Variants in RYR3 observed in about 807,000 individuals in gnomAD.
RYR3 encodes brain ryanodine receptor-calcium release channel.
A neutral mutation model predicts 584.3 loss-of-function variants in RYR3; 207 were observed. The ratio of observed to expected loss-of-function variants is 0.35; its 90% CI spans 0.32 to 0.40. The LOEUF (loss-of-function observed/expected upper bound fraction) is 0.40, where lower values mean the gene tolerates loss of function less well. Ranked by LOEUF, RYR3 falls within the 10% of genes least tolerant of loss-of-function variation. The probability of loss-of-function intolerance (pLI) is 1.00; values close to 1 mark genes in which losing one functional copy is unlikely to be tolerated. For missense variants in RYR3, 5,616 were observed against 6,089.2 expected, an observed-to-expected ratio of 0.92 and a Z score of 2.59; for synonymous variants, 2,416 against 2,248.5, an observed-to-expected ratio of 1.07 and a Z score of -2.11.
chr15:33,853,493 G>A (rs539275059), intron 95 of RYR3, 62 bp from the exon 96 acceptor site: 1,467 of 1,584,332 alleles, frequency 9.3e-4, no homozygotes, highest in Non-Finnish European at 1.2e-3. Context: ...GAAGACCCCA[G>A]AGCTAGAAAA....
chr15:33,409,996 A>C (rs1205883501), intron 1 of RYR3, among the ~76,000 whole-genome samples: 1 of 152,224 alleles, frequency 6.6e-6, no homozygotes, highest in Non-Finnish European at 1.5e-5. Flanking sequence ...AGCTCAAAGC[A>C]GGCATAAACC....
At chr15:33,543,291 C>T (rs2055971231) in intron 7 of RYR3, among the ~76,000 whole-genome samples, 1 of 152,088 alleles carries the variant, frequency 6.6e-6, no homozygotes, top group Non-Finnish European at 1.5e-5. Context: ...GGTGTACTTA[C>T]ATCCTAAGCA....
At chr15:33,637,262 A>C (rs1241492265) in intron 27 of RYR3, among the ~76,000 whole-genome samples, 1 of 152,234 alleles carries the variant, frequency 6.6e-6, no homozygotes, top group Non-Finnish European at 1.5e-5. Context: ...TTGGCTCCCA[A>C]GGAGTATCTG....
intron 27 of RYR3, among the ~76,000 whole-genome samples, 195 bp downstream of exon 27, chr15:33,636,745 G>T (rs2061520139): frequency 1.3e-5 from 2 of 152,192 alleles, no homozygotes; most frequent in African/African-American, 2.4e-5. Flanking sequence ...GTTGGTGTGT[G>T]CAGCATACAT....
At chr15:33,447,275 C>T (rs902265226) in intron 1 of RYR3, among the ~76,000 whole-genome samples, 1 of 152,168 alleles carries the variant, frequency 6.6e-6, no homozygotes, top group South Asian at 2.1e-4. Context: ...TACCTTCACA[C>T]AGAGAACCCC....
rs1454892034 is a variant in RYR3 at position 33,751,275 on chromosome 15, G to A, written c.8399+989G>A. On this transcript the variant is annotated intron_variant, in intron 57 of 103. Transcript: ENST00000634891. ...AGTAATGGGATTGCTGGGTTAAATG[G>A]TATTTCTAGTTCTAGATCCTTGAGA... Among the ~76,000 whole-genome samples the A allele has an allele frequency of 2.6e-5, 4 of 152,166 alleles. No homozygotes were observed. The South Asian group carries it at 6.2e-4, about 24-fold the overall frequency.
intron 1 of RYR3, among the ~76,000 whole-genome samples, chr15:33,334,630 T>C (rs1426365360): frequency 2.0e-5 from 3 of 152,086 alleles, no homozygotes; most frequent in Non-Finnish European, 4.4e-5. Context: ...AGGCAAAAAT[T>C]TCATAATGAA....
chr15:33,538,284 T>G (rs1422760850), intron 5 of RYR3, among the ~76,000 whole-genome samples: 2 of 152,150 alleles, frequency 1.3e-5, no homozygotes, highest in African/African-American at 2.4e-5. Context: ...TGTTGTCTGT[T>G]AAGCCTCACT....
At chr15:33,445,713 A>ACACACC (rs2046594868) in intron 1 of RYR3, among the ~76,000 whole-genome samples, 1 of 147,292 alleles carries the variant, frequency 6.8e-6, no homozygotes, top group Admixed American at 6.8e-5. Flanking sequence ...ACACACACAC[A>ACACACC]CGAAAGCCAT....
rs1380966911 is a variant in RYR3, at chr15:33,623,927, A to G, written c.2478A>G (p.Glu826=). Residue 826 remains glutamate, a synonymous_variant, in exon 20 of 104, where the codon GAA becomes GAG. Transcript: ENST00000634891. Reference sequence around the variant, plus strand: ...AGATGAGATTGGAGCCTGTCAAAGAATATAAACGTGATGCTGATGGCATTA... The same window carrying G: ...AGATGAGATTGGAGCCTGTCAAAGAGTATAAACGTGATGCTGATGGCATTA... ...KEKMRLEPVK[E]YKRDADGIRD... is the part of the protein sequence containing the mutation. 2 of 1,613,968 alleles carry G rather than the reference A, an allele frequency of 1.2e-6. No individual in the cohort carries two copies. Among genetic ancestry groups the G allele is most frequent in the Non-Finnish European group, 1.7e-6 (2 of 1,179,848 alleles).
chr15:33,635,564 G>A (rs1032757193), intron 25 of RYR3, 50 bp from the exon 26 acceptor site: 8 of 1,438,820 alleles, frequency 5.6e-6, no homozygotes, highest in African/African-American at 1.4e-5. Context: ...GAAGGTCTAC[G>A]TTCTCTCTTT....
In RYR3 at chr15:33,771,785, T is replaced by C. The variant is rs932541480; in HGVS notation, c.8817-135T>C. The C allele has an allele frequency of 6.4e-5, 42 of 655,206 alleles. No individual in the cohort carries two copies. In the African/African-American group the frequency reaches 6.9e-4, roughly 11 times the overall value. The allele number at this position is 655,206 out of a possible 1,614,324, so 40.6% of individuals were successfully genotyped here. ...TTCTTCCTGGATGTTAACTGCTCTC[T>C]CCCTTTCTCCTGACACAGTGTCATT... On this transcript the variant is annotated intron_variant, in intron 62 of 103. Coordinates refer to ENST00000634891, the MANE Select transcript of RYR3 (RefSeq NM_001036.6).
In RYR3 at chr15:33,832,293, C is replaced by CAAAA. The variant is rs10674932; in HGVS notation, c.11463+1210_11463+1213dup. Among the ~76,000 whole-genome samples, 257 of 140,422 alleles carry CAAAA rather than the reference C, an allele frequency of 1.8e-3. 1 individual carries two copies. The highest frequency in any genetic ancestry group is 7.4e-3 in the Middle Eastern group (2 of 270). 92.1% of individuals were successfully genotyped at this position (140,422 alleles called of 152,430 possible). A position where few individuals can be genotyped will look rare whatever the true frequency, so the allele number is the denominator to read the frequency against. ...TGGGCGACAGAGCAAGACTCAGTCT[C>CAAAA]AAAAAAAAAAAGAAAAGAAAAAATC... On this transcript the variant is annotated intron_variant, in intron 86 of 103. Transcript: ENST00000634891.
intron 21 of RYR3, 66 bp from the exon 22 acceptor site, chr15:33,629,874 C>G: frequency 1.2e-6 from 1 of 826,042 alleles, no homozygotes; most frequent in Non-Finnish European, 2.0e-6. Flanking sequence ...ATGTTCTGTT[C>G]TGTTTTCCCA....
Position 33,750,288 on chromosome 15 carries a change from T to C in RYR3, c.8399+2T>C, listed in dbSNP as rs2071152159. The C allele has an allele frequency of 6.2e-7, 1 of 1,610,370 alleles. No homozygotes were observed. The highest frequency in any genetic ancestry group is 8.5e-7 in the Non-Finnish European group (1 of 1,178,260). The stretch of plus-strand genomic sequence containing the variant: ...AGTGAATGGCATCATAGTTTCCAGG[T>C]AAGTCACCTTCCATGTGATGCTAGT... On this transcript the variant is annotated splice_donor_variant, in intron 57 of 103. Coordinates refer to ENST00000634891, the MANE Select transcript of RYR3 (RefSeq NM_001036.6). LOFTEE classifies it high-confidence loss of function.
rs1368919497 is a variant in RYR3 at position 33,631,239 on chromosome 15, C to T, written c.2813C>T (p.Ala938Val). 1 of 1,591,284 alleles carries T rather than the reference C, an allele frequency of 6.3e-7. No individual in the cohort carries two copies. ...KTLLALGCHIAHVNPAAEEDL... is the reference protein window; with the variant it reads ...KTLLALGCHIVHVNPAAEEDL... ...CTCTTGGCCCTGGGGTGCCACATTG[C>T]TCATGTTAACCCAGCTGCTGAGGAG... Residue 938 changes from alanine (A) to valine (V), a missense_variant, in exon 23 of 104, where the codon GCT (alanine) becomes GTT (valine). By Grantham distance (64) the Ala-to-Val change is moderately conservative (BLOSUM62 0). Around this residue, in one of 9 missense-constraint regions of RYR3, gnomAD observed 1,284 missense variants for 1,344.6 expected, o/e 0.95. Transcript: ENST00000634891.
Position 33,746,176 on chromosome 15 carries a change from G to A in RYR3, c.7989+19G>A, listed in dbSNP as rs1347878991. On this transcript the variant is annotated intron_variant, in intron 53 of 103. Coordinates refer to ENST00000634891, the MANE Select transcript of RYR3 (RefSeq NM_001036.6). Reference sequence around the variant, plus strand: ...GGAGAAGGTAAGAAGCAGGCCTCTGGTAACACTGTGTGACCATGCTGTTTC... The same window carrying A: ...GGAGAAGGTAAGAAGCAGGCCTCTGATAACACTGTGTGACCATGCTGTTTC... 1.3e-6 allele frequency: 2 copies of A among 1,505,892 alleles called. No individual in the cohort carries two copies. The highest frequency in any genetic ancestry group is 2.3e-5 in the East Asian group (1 of 42,564). The allele number at this position is 1,505,892 out of a possible 1,614,324, so 93.3% of individuals were successfully genotyped here.
intron 48 of RYR3, among the ~76,000 whole-genome samples, chr15:33,734,242 C>A (rs1233661217): frequency 6.6e-6 from 1 of 152,134 alleles, no homozygotes; most frequent in Non-Finnish European, 1.5e-5. Context: ...TGATAACTGG[C>A]AGACAATTAA....
intron 55 of RYR3, 72 bp from the exon 56 acceptor site, chr15:33,749,907 T>A (rs924900308): frequency 2.2e-6 from 3 of 1,359,108 alleles, no homozygotes; most frequent in Admixed American, 4.0e-5. Flanking sequence ...CTGCCTGAAA[T>A]GACCTAGCAG....
Sources: allele counts gnomAD v4.1 joint callset (sites outside exome capture counted in the v4.1 genomes callset), GRCh38; gene constraint gnomAD v4.1.1; regional missense constraint gnomAD v4.1.1; transcripts MANE v1.5; gene names NCBI Gene and HGNC (gene_info 2026-07-23, HGNC 2026-07-21).